Variants in DIAPH2 observed in about 807,000 individuals in gnomAD.
The protein encoded by DIAPH2 is diaphanous related formin 2, also known as protein diaphanous homolog 2.
Under a neutral mutation model 92.7 loss-of-function variants are expected in DIAPH2, and 35 were observed. The observed-to-expected ratio is 0.38, with a 90% CI of 0.29 to 0.50. The LOEUF is 0.50. DIAPH2 is among the 20% of genes least tolerant of loss of function. The pLI, the probability that DIAPH2 is intolerant of heterozygous loss-of-function variation, is 0.94. For missense variants in DIAPH2, 701 were observed against 819.5 expected (o/e 0.86, Z 1.77); for synonymous variants, 301 against 280.4 (o/e 1.07, Z -0.73).
chrX:97,514,724 TAACA>T (rs1169458420), intron 26 of DIAPH2, among the ~76,000 whole-genome samples: 4 of 108,426 alleles, frequency 3.7e-5, no homozygotes, highest in African/African-American at 1.3e-4. Context: ...GTTTTCCTTC[TAACA>T]GACAGGACCC....
intron 19 of DIAPH2, among the ~76,000 whole-genome samples, chrX:97,099,141 T>C (rs1406486304): frequency 1.8e-5 from 2 of 111,568 alleles, no homozygotes; most frequent in African/African-American, 6.5e-5. Flanking sequence ...GATTGACTAA[T>C]TATTGTGACT....
At position 97,193,699 on chromosome X, in the gene DIAPH2, A is replaced by G. The variant is rs757042367; in HGVS notation, c.2719+51905A>G. ...GAAAATATACTTGTATAATACTTTT[A>G]ATTACATGTTATATGCATTTATTTA... On this transcript the variant is annotated intron_variant, in intron 22 of 26. Transcript: ENST00000324765. Among the ~76,000 whole-genome samples, 9 of 112,015 alleles carry G rather than the reference A, an allele frequency of 8.0e-5. No individual in the cohort carries two copies. The East Asian group carries it at 1.4e-3, about 18-fold the overall frequency.
At chrX:96,935,322 G>T (rs1405612868) in intron 10 of DIAPH2, among the ~76,000 whole-genome samples, 1 of 111,067 alleles carries the variant, frequency 9.0e-6, no homozygotes, top group Non-Finnish European at 1.9e-5. Flanking sequence ...TTGCTGGAAG[G>T]AAGTTTCATA....
At chrX:97,283,720 A>G (rs760706339) in intron 23 of DIAPH2, among the ~76,000 whole-genome samples, 20 of 112,704 alleles carry the variant, frequency 1.8e-4, no homozygotes, top group Admixed American at 8.5e-4. Context: ...AGGCGGGCGG[A>G]ACACCTGAGG....
In DIAPH2 at chrX:97,141,728, G is replaced by A; in HGVS notation, c.2653G>A (p.Glu885Lys). The change falls in exon 22 of 27, where the codon GAG becomes AAG. Residue 885 changes from glutamate (E) to lysine (K), a missense_variant. Around this residue, in one of 3 missense-constraint regions of DIAPH2, gnomAD observed 536 missense variants for 599.3 expected, o/e 0.89. Coordinates refer to ENST00000324765, the MANE Select transcript of DIAPH2 (RefSeq NM_006729.5). ...TTTGCATTTTATTGCCGACATTTGT[G>A]AGGAAAAATATCGAGATATCCTAAA... Reference protein sequence around the residue: ...TLLHFIADICEEKYRDILKFP... With the variant: ...TLLHFIADICKEKYRDILKFP... 3 of 1,206,513 alleles carry A rather than the reference G, an allele frequency of 2.5e-6. No homozygotes were observed. Among genetic ancestry groups the A allele is most frequent in the Non-Finnish European group, 3.4e-6 (3 of 893,177 alleles).
At chrX:97,050,860 A>AC (rs2066515801) in intron 17 of DIAPH2, among the ~76,000 whole-genome samples, 1 of 112,008 alleles carries the variant, frequency 8.9e-6, no homozygotes, top group South Asian at 3.6e-4. Context: ...TGCTTGCTGA[A>AC]CTTAAATTAT....
At chrX:97,571,516 T>G (rs2071369899) in intron 26 of DIAPH2, among the ~76,000 whole-genome samples, 1 of 112,015 alleles carries the variant, frequency 8.9e-6, no homozygotes, top group Non-Finnish European at 1.9e-5. Context: ...TTTGACAGTC[T>G]GTCAGATGTA....
chrX:97,409,039 A>G (rs1246557273), intron 25 of DIAPH2, among the ~76,000 whole-genome samples: 1 of 112,222 alleles, frequency 8.9e-6, no homozygotes, highest in Non-Finnish European at 1.9e-5. Flanking sequence ...GAATTCAACA[A>G]GTTAATCCAT....
intron 22 of DIAPH2, among the ~76,000 whole-genome samples, chrX:97,185,368 T>TAC (rs1491197281): frequency 1.8e-5 from 1 of 54,164 alleles, no homozygotes; most frequent in Non-Finnish European, 2.7e-5. Context: ...TATATATATA[T>TAC]GTATATATAT....
intron 22 of DIAPH2, among the ~76,000 whole-genome samples, chrX:97,205,422 C>G (rs2067788459): frequency 9.0e-6 from 1 of 110,882 alleles, no homozygotes. Context: ...TGCATTCTAC[C>G]CATCTGACAA....
rs829296 is a variant in DIAPH2 at position 96,907,283 on chromosome X, T to A, written c.588-5045T>A. Among the ~76,000 whole-genome samples, 3 of 110,803 alleles carry A rather than the reference T, an allele frequency of 2.7e-5. No individual in the cohort carries two copies. In the South Asian group the frequency reaches 1.2e-3, roughly 43 times the overall value. ...CTGTCCTTAACAGTATTTTGTAGATTTCTTATGATGCTCAGGACTTTACTT... is the reference window on the plus strand; with the variant it reads ...CTGTCCTTAACAGTATTTTGTAGATATCTTATGATGCTCAGGACTTTACTT... On this transcript the variant is annotated intron_variant, in intron 5 of 26. Coordinates refer to ENST00000324765, the MANE Select transcript of DIAPH2 (RefSeq NM_006729.5).
At chrX:97,556,019 A>G (rs2071254421) in intron 26 of DIAPH2, among the ~76,000 whole-genome samples, 1 of 112,046 alleles carries the variant, frequency 8.9e-6, no homozygotes, top group South Asian at 3.8e-4. Flanking sequence ...AAACTTTGGT[A>G]GAGAAGCAGT....
At chrX:96,907,897 AATAG>A (rs897029430) in intron 5 of DIAPH2, among the ~76,000 whole-genome samples, 3 of 112,173 alleles carry the variant, frequency 2.7e-5, no homozygotes, top group Non-Finnish European at 5.6e-5. Flanking sequence ...TCAAATAATT[AATAG>A]ATAAACAAAT....
chrX:97,194,397 T>A (rs952951162), intron 22 of DIAPH2, among the ~76,000 whole-genome samples: 9 of 108,857 alleles, frequency 8.3e-5, no homozygotes, highest in African/African-American at 3.0e-4. Context: ...TTCTCCTGCC[T>A]CAGCCTCCCG....
intron 22 of DIAPH2, among the ~76,000 whole-genome samples, chrX:97,184,555 T>G (rs1444860383): frequency 1.8e-5 from 2 of 111,556 alleles, no homozygotes; most frequent in Non-Finnish European, 3.8e-5. Flanking sequence ...TACTCCACAG[T>G]CATAAGCTGA....
intron 26 of DIAPH2, among the ~76,000 whole-genome samples, chrX:97,566,888 T>G (rs1231289112): frequency 1.8e-5 from 2 of 111,661 alleles, no homozygotes; most frequent in Non-Finnish European, 3.8e-5. Context: ...CAAAAGAGTA[T>G]ATAAACGCTG....
chrX:97,305,824 C>CAAAAAAAAAAAAAAAAA (rs754094514), intron 23 of DIAPH2, among the ~76,000 whole-genome samples: 3 of 49,198 alleles, frequency 6.1e-5, no homozygotes, highest in African/African-American at 2.2e-4. Flanking sequence ...ACTCCTTCTC[C>CAAAAAAAAAAAAAAAAA]AAAAAAAAAA....
chrX:97,540,997 GCT>G (rs1256498275), intron 26 of DIAPH2, among the ~76,000 whole-genome samples: 1 of 111,586 alleles, frequency 9.0e-6, no homozygotes, highest in Non-Finnish European at 1.9e-5. Context: ...TCTCTCTTGA[GCT>G]CTCAGGAGAG....
At chrX:97,237,681 G>A (rs759344810) in intron 22 of DIAPH2, among the ~76,000 whole-genome samples, 11 of 109,815 alleles carry the variant, frequency 1.0e-4, no homozygotes, top group African/African-American at 3.3e-4. Context: ...TCCCGGGTTC[G>A]CGCCATTCTC....
Sources: allele counts gnomAD v4.1 joint callset (sites outside exome capture counted in the v4.1 genomes callset), GRCh38; gene constraint gnomAD v4.1.1; regional missense constraint gnomAD v4.1.1; transcripts MANE v1.5; gene names NCBI Gene and HGNC (gene_info 2026-07-23, HGNC 2026-07-21).